Variants in SLC4A7 observed in about 807,000 individuals in gnomAD.
The protein encoded by SLC4A7 is sodium bicarbonate cotransporter 3.
In SLC4A7, 51 loss-of-function variants were observed where a neutral mutation model predicts 137.6. The observed-to-expected ratio is 0.37, with a 90% confidence interval of 0.30 to 0.47. The LOEUF is 0.47. Ranked by LOEUF, SLC4A7 falls within the 20% of genes least tolerant of loss-of-function variation. The pLI, the probability that SLC4A7 is intolerant of heterozygous loss-of-function variation, is 1.00. For synonymous variants in SLC4A7, 542 were observed against 518.6 expected (o/e 1.05, Z -0.61); for missense variants, 1,247 against 1,525.4 (o/e 0.82, Z 3.04).
rs150276072 is a variant in SLC4A7, at chr3:27,419,161, G to A, written c.1513-529C>T. On this transcript the variant is annotated intron_variant, in intron 10 of 25. Coordinates refer to ENST00000454389, the MANE Select transcript of SLC4A7 (RefSeq NM_001321103.2). ...TCTAGGAGGAAAAACAGTGAAACGCGTTATTAAATAAATAAATAATTATAG... is the reference window on the plus strand; with the variant it reads ...TCTAGGAGGAAAAACAGTGAAACGCATTATTAAATAAATAAATAATTATAG... 2.0e-3 allele frequency among the ~76,000 whole-genome samples: 309 copies of A among 152,068 alleles called. 2 individuals carry two copies. Among genetic ancestry groups the A allele is most frequent in the Middle Eastern group, 0.01 (3 of 294 alleles).
Position 27,409,547 on chromosome 3 carries a change from A to G in SLC4A7, c.1767-17T>C. Reference sequence around the variant, plus strand: ...CCAAAAAGCCTAAATAGGTGAGATGAAACTCGTCAAACTGTACACTAGAGG... The same window carrying G: ...CCAAAAAGCCTAAATAGGTGAGATGGAACTCGTCAAACTGTACACTAGAGG... On this transcript the variant is annotated splice_polypyrimidine_tract_variant and intron_variant, in intron 12 of 25. Transcript: ENST00000454389. 6.3e-7 allele frequency: 1 copy of G among 1,596,778 alleles called. No homozygotes were observed. Among genetic ancestry groups the G allele is most frequent in the Non-Finnish European group, 8.5e-7 (1 of 1,170,396 alleles).
chr3:27,407,205 G>C lies in SLC4A7; in HGVS notation c.1941+2151C>G, dbSNP rs1009468368. On this transcript the variant is annotated intron_variant, in intron 13 of 25. Transcript: ENST00000454389. ...CCCTAAAGAAATCACAGCCTGGCTA[G>C]GCACGGTGGCTCACGCCTGTAATCC... Among the ~76,000 whole-genome samples, 10 of 151,398 alleles carry C rather than the reference G, an allele frequency of 6.6e-5. No homozygotes were observed. In the East Asian group the frequency reaches 2.0e-3, roughly 30 times the overall value.
At chr3:27,448,234 A>G (rs1342790995) in intron 3 of SLC4A7, among the ~76,000 whole-genome samples, 2 of 144,848 alleles carry the variant, frequency 1.4e-5, no homozygotes, top group African/African-American at 5.0e-5. Context: ...AAAAAAAAAA[A>G]GAAGAAGGAA....
rs999627315 is a variant in SLC4A7 at position 27,376,675 on chromosome 3, A to T, written c.*89T>A. 1.0e-5 allele frequency: 8 copies of T among 795,610 alleles called. No homozygotes were observed. Among genetic ancestry groups the T allele is most frequent in the Admixed American group, 8.3e-5 (4 of 48,366 alleles). The allele number at this position is 795,610 out of a possible 1,614,324, so 49.3% of individuals were successfully genotyped here. The stretch of plus-strand genomic sequence containing the variant: ...AACCCGGTAGTCACACATAAACAGC[A>T]TGACATACAATATTCTTATATATAG... On this transcript the variant is annotated 3_prime_UTR_variant, in exon 26 of 26. Transcript: ENST00000454389.
intron 11 of SLC4A7, among the ~76,000 whole-genome samples, chr3:27,417,989 T>C (rs1015780981): frequency 6.6e-6 from 1 of 152,136 alleles, no homozygotes; most frequent in African/African-American, 2.4e-5. Flanking sequence ...ATCCTATTAC[T>C]GGGGATCTAT....
chr3:27,387,093 T>G (rs2051038791), intron 22 of SLC4A7, among the ~76,000 whole-genome samples: 1 of 152,168 alleles, frequency 6.6e-6, no homozygotes, highest in South Asian at 2.1e-4. Context: ...TATATTATGG[T>G]GGCTACACTG....
chr3:27,431,134 C>G (rs2056234245), intron 7 of SLC4A7, among the ~76,000 whole-genome samples, 164 bp downstream of exon 7: 1 of 152,002 alleles, frequency 6.6e-6, no homozygotes, highest in Non-Finnish European at 1.5e-5. Context: ...TACTTTTGCA[C>G]CAACCTAACA....
intron 13 of SLC4A7, among the ~76,000 whole-genome samples, chr3:27,408,191 C>A (rs367545567): frequency 5.3e-5 from 8 of 152,166 alleles, no homozygotes; most frequent in Admixed American, 2.6e-4. Context: ...GCTCTTCTTA[C>A]ACTTATCTAT....
intron 1 of SLC4A7, among the ~76,000 whole-genome samples, chr3:27,466,252 C>A (rs1176482786): frequency 6.6e-6 from 1 of 151,238 alleles, no homozygotes; most frequent in Admixed American, 6.6e-5. Flanking sequence ...GAGATCGAGA[C>A]CATCCTGGCT....
chr3:27,468,250 T>G (rs1252632886), intron 1 of SLC4A7, among the ~76,000 whole-genome samples: 6 of 152,040 alleles, frequency 3.9e-5, no homozygotes, highest in African/African-American at 1.4e-4. Flanking sequence ...TATTAAGAGA[T>G]TAAAACAATT....
chr3:27,462,321 A>C (rs554790937), intron 1 of SLC4A7, among the ~76,000 whole-genome samples: 1 of 152,144 alleles, frequency 6.6e-6, no homozygotes, highest in African/African-American at 2.4e-5. Flanking sequence ...AAAACCAACA[A>C]AATATAAAGT....
chr3:27,443,024 C>CTTTTTTTTTTTTTT (rs1156950293), intron 3 of SLC4A7, among the ~76,000 whole-genome samples: 7 of 102,144 alleles, frequency 6.9e-5, no homozygotes, highest in Admixed American at 1.2e-4. Flanking sequence ...TCTCTTTTTT[C>CTTTTTTTTTTTTTT]TTTTTTTCTT....
At chr3:27,406,311 C>G (rs2053349324) in intron 13 of SLC4A7, among the ~76,000 whole-genome samples, 1 of 152,122 alleles carries the variant, frequency 6.6e-6, no homozygotes. Flanking sequence ...AGAATATAGT[C>G]AATGAATAGG....
At chr3:27,472,483 T>C (rs2059290218) in intron 1 of SLC4A7, among the ~76,000 whole-genome samples, 2 of 151,556 alleles carry the variant, frequency 1.3e-5, no homozygotes, top group African/African-American at 2.4e-5. Flanking sequence ...TCAAAATATA[T>C]ACATATAAAT....
intron 1 of SLC4A7, among the ~76,000 whole-genome samples, chr3:27,457,271 T>C (rs983274281): frequency 2.0e-5 from 3 of 152,256 alleles, no homozygotes; most frequent in Non-Finnish European, 2.9e-5. Context: ...CCATTACATG[T>C]TAATATACAT....
At chr3:27,420,449 C>T (rs1163386450) in intron 10 of SLC4A7, among the ~76,000 whole-genome samples, 2 of 151,800 alleles carry the variant, frequency 1.3e-5, no homozygotes, top group African/African-American at 2.4e-5. Context: ...TTCGAAAGTT[C>T]AAGAAGGTAG....
chr3:27,437,704 G>GA (rs1164904868), intron 3 of SLC4A7, among the ~76,000 whole-genome samples, 178 bp from the exon 4 acceptor site: 77 of 124,976 alleles, frequency 6.2e-4, no homozygotes, highest in Admixed American at 1.1e-3. Flanking sequence ...AACAATCCAG[G>GA]AAAAAAAAAA....
rs781457345 is a variant in SLC4A7, at chr3:27,409,497, C to T, written c.1800G>A (p.Arg600=). ...AGTCACTCAAGAAAAAAGGTGCTTT[C>T]CTTTTGATGTCAAGTATCAAACCAC... ...LFGGLILDIK[R]KAPFFLSDFK... is the part of the protein sequence containing the mutation. The change falls in exon 13 of 26, where the codon AGG becomes AGA. Residue 600 remains arginine, a synonymous_variant. Transcript: ENST00000454389. 92 of 1,613,208 alleles carry T rather than the reference C, an allele frequency of 5.7e-5. No homozygotes were observed. Among genetic ancestry groups the T allele is most frequent in the Middle Eastern group, 3.3e-4 (2 of 6,078 alleles).
intron 7 of SLC4A7, among the ~76,000 whole-genome samples, chr3:27,424,770 G>C (rs1351432084): frequency 6.6e-6 from 1 of 152,212 alleles, no homozygotes; most frequent in African/African-American, 2.4e-5. Flanking sequence ...GAAATTGGCA[G>C]AGTAAGAGTT....
Sources: gnomAD v4.1 joint callset for allele counts (sites outside exome capture counted in the v4.1 genomes callset) on GRCh38, gnomAD v4.1.1 for gene constraint, MANE v1.5 for transcripts, NCBI Gene and HGNC (gene_info 2026-07-23, HGNC 2026-07-21) for gene names.